Variants in SLC41A3 observed in about 807,000 individuals in gnomAD.
The protein encoded by SLC41A3 is solute carrier family 41 member 3.
SLC41A3 carries 44 observed loss-of-function variants against 45.4 expected under a neutral mutation model. The ratio of observed to expected loss-of-function variants is 0.97; its 90% CI spans 0.76 to 1.25. The LOEUF (loss-of-function observed/expected upper bound fraction) is 1.25, where lower values mean the gene tolerates loss of function less well. SLC41A3 is among the 50% of genes most tolerant of loss of function. The pLI is 0.00. For synonymous variants in SLC41A3, 256 were observed against 252.4 expected (o/e 1.01, Z -0.13); for missense variants, 550 against 600.6 (o/e 0.92, Z 0.88).
At position 126,026,573 on chromosome 3, in the gene SLC41A3, G is replaced by A. The variant is rs1941372887; in HGVS notation, c.454-94C>T. 1.4e-6 allele frequency: 2 copies of A among 1,474,084 alleles called. No homozygotes were observed. The highest frequency in any genetic ancestry group is 2.1e-5 in the Admixed American group (1 of 47,108). The allele number at this position is 1,474,084 out of a possible 1,614,324, so 91.3% of individuals were successfully genotyped here. A position where few individuals can be genotyped will look rare whatever the true frequency, so the allele number is the denominator to read the frequency against. On this transcript the variant is annotated intron_variant, in intron 4 of 10. Transcript: ENST00000360370. This position sits in a 1 kb window ranked among gnomAD's most constrained non-coding sequence, Gnocchi z 4.2. ...CCTCACTCACCGCAAGGGGCCGGGTGCCACATGCTACTGCCTCCTTTCCCT... is the reference window on the plus strand; with the variant it reads ...CCTCACTCACCGCAAGGGGCCGGGTACCACATGCTACTGCCTCCTTTCCCT...
intron 2 of SLC41A3, 41 bp downstream of exon 2, chr3:126,067,906 G>A (rs747198921): frequency 2.4e-5 from 37 of 1,531,746 alleles, no homozygotes; most frequent in Admixed American, 4.1e-5. Context: ...GGTGATGTTC[G>A]GCAGTGCCCC....
chr3:126,050,757 G>T, intron 3 of SLC41A3, 186 bp downstream of exon 3: 3 of 1,056,624 alleles, frequency 2.8e-6, no homozygotes, highest in Non-Finnish European at 3.8e-6. Flanking sequence ...CATCCAGTTT[G>T]GTAGTGGAAA....
chr3:126,021,129 C>T lies in SLC41A3; in HGVS notation c.745+1657G>A, dbSNP rs558936485. On this transcript the variant is annotated intron_variant, in intron 6 of 10. Transcript: ENST00000360370. ...CAGGATGGTCTTGATCTCCTGACCT[C>T]GTGATCCGCCCGCCTTGGCCTCCCA... 2.4e-4 allele frequency among the ~76,000 whole-genome samples: 37 copies of T among 152,060 alleles called. 1 individual carries two copies. Among genetic ancestry groups the T allele is most frequent in the Non-Finnish European group, 4.3e-4 (29 of 68,004 alleles).
chr3:126,054,039 C>T (rs568617086), intron 2 of SLC41A3, among the ~76,000 whole-genome samples: 14 of 152,292 alleles, frequency 9.2e-5, no homozygotes, highest in Non-Finnish European at 1.9e-4. Context: ...TGCCCACAGT[C>T]CCCCAGCTCT....
rs562972221 is a variant in SLC41A3, at chr3:126,073,994, C to T, written c.-27-5748G>A. Among the ~76,000 whole-genome samples the T allele has an allele frequency of 3.3e-5, 5 of 152,090 alleles. No homozygotes were observed. The South Asian group carries it at 1.0e-3, about 32-fold the overall frequency. ...ACATACAAAGACTTTTACAATATAA[C>T]CAAGTGGGATTTATTTCAGGAATGC... is the stretch of plus-strand genomic sequence containing the variant. On this transcript the variant is annotated intron_variant, in intron 1 of 10. Coordinates refer to ENST00000360370, the MANE Select transcript of SLC41A3 (RefSeq NM_017836.4).
In SLC41A3 at chr3:126,054,075, G is replaced by A. The variant is rs577773202; in HGVS notation, c.274-3025C>T. On this transcript the variant is annotated intron_variant, in intron 2 of 10. Coordinates refer to ENST00000360370, the MANE Select transcript of SLC41A3 (RefSeq NM_017836.4). ...CCCCTGCTCCTCCGGCCTCACCCTCGGGGTCATCTTTGACACCACTGTCTG... is the reference window on the plus strand; with the variant it reads ...CCCCTGCTCCTCCGGCCTCACCCTCAGGGTCATCTTTGACACCACTGTCTG... Among the ~76,000 whole-genome samples the A allele has an allele frequency of 4.9e-4, 74 of 152,128 alleles. 1 individual carries two copies. In the Middle Eastern group the frequency reaches 0.02, roughly 42 times the overall value.
chr3:126,026,558 C>T lies in SLC41A3; in HGVS notation c.454-79G>A, dbSNP rs111909947. ...TCCCTGCCCTTCACACCTCACTCAC[C>T]GCAAGGGGCCGGGTGCCACATGCTA... is the stretch of plus-strand genomic sequence containing the variant. On this transcript the variant is annotated intron_variant, in intron 4 of 10. Transcript: ENST00000360370. The surrounding 1 kb of genome is among the most constrained non-coding windows in gnomAD (Gnocchi z 4.2). 1.8e-5 allele frequency: 28 copies of T among 1,522,964 alleles called. No homozygotes were observed. Among genetic ancestry groups the T allele is most frequent in the African/African-American group, 9.6e-5 (7 of 72,892 alleles). The allele number at this position is 1,522,964 out of a possible 1,614,324, so 94.3% of individuals were successfully genotyped here. A position where few individuals can be genotyped will look rare whatever the true frequency, so the allele number is the denominator to read the frequency against.
chr3:126,099,093 A>T lies in SLC41A3; in HGVS notation c.-79+2336T>A, dbSNP rs1161348650. Reference sequence around the variant, plus strand: ...AATTTTATGTTAAGTATGTTTTCTCATAATATTTTTAAAGTCCATGCTTGG... The same window carrying T: ...AATTTTATGTTAAGTATGTTTTCTCTTAATATTTTTAAAGTCCATGCTTGG... On this transcript the variant is annotated intron_variant, in intron 1 of 9. Transcript: ENST00000508835. Among the ~76,000 whole-genome samples the T allele has an allele frequency of 3.3e-5, 5 of 151,990 alleles. No individual in the cohort carries two copies. The East Asian group carries it at 7.7e-4, about 23-fold the overall frequency.
chr3:126,012,652 T>G lies in SLC41A3; in HGVS notation c.1068A>C (p.Lys356Asn). ...AAGTAGAACACGGGTTGGGCCAGAA[T>G]TTCTTCATCTGGAGGGGCAGGACGC... ...APGVLPLQMK[K>N]FWPNPCSTFC... Residue 356 changes from lysine (K) to asparagine (N), a missense_variant, in exon 9 of 11, where the codon AAA becomes AAC. Lys to Asn is a moderately conservative substitution (Grantham distance 94, BLOSUM62 0). Transcript: ENST00000360370. 2 of 1,614,178 alleles carry G rather than the reference T, an allele frequency of 1.2e-6. No homozygotes were observed. Among genetic ancestry groups the G allele is most frequent in the Non-Finnish European group, 1.7e-6 (2 of 1,180,028 alleles).
Position 126,034,275 on chromosome 3 carries a change from C to T in SLC41A3, c.382-597G>A, listed in dbSNP as rs571923740. Among the ~76,000 whole-genome samples, 140 of 152,294 alleles carry T rather than the reference C, an allele frequency of 9.2e-4. 2 individuals are homozygous for T. The highest frequency in any genetic ancestry group is 3.1e-3 in the African/African-American group (130 of 41,562). On this transcript the variant is annotated intron_variant, in intron 3 of 10. Transcript: ENST00000360370. ...TTCTCTTAGGATAAAAAACTGAGAT[C>T]ATAAATATGACTTTATCCTTTAAAA...
intron 1 of SLC41A3, among the ~76,000 whole-genome samples, chr3:126,083,626 C>A (rs1355689094): frequency 6.6e-6 from 1 of 151,940 alleles, no homozygotes; most frequent in Non-Finnish European, 1.5e-5. Flanking sequence ...TGCGCGCGGG[C>A]GCTGCAGGAG....
At chr3:126,034,633 G>A (rs1244004744) in intron 3 of SLC41A3, among the ~76,000 whole-genome samples, 1 of 152,248 alleles carries the variant, frequency 6.6e-6, no homozygotes, top group Non-Finnish European at 1.5e-5. Flanking sequence ...AGGCAGGGTA[G>A]AGACTCAGTG....
intron 2 of SLC41A3, among the ~76,000 whole-genome samples, chr3:126,059,048 C>T (rs1943849789): frequency 6.6e-6 from 1 of 151,400 alleles, no homozygotes; most frequent in South Asian, 2.1e-4. Flanking sequence ...TGTATCTGCT[C>T]TCCCTCCCTG....
intron 6 of SLC41A3, among the ~76,000 whole-genome samples, chr3:126,019,063 T>TA (rs1040564552): frequency 1.3e-5 from 2 of 152,224 alleles, no homozygotes; most frequent in Non-Finnish European, 1.5e-5. Flanking sequence ...AATTTGTTCT[T>TA]ACGGTTATAA....
chr3:126,015,501 G>A lies in SLC41A3; in HGVS notation c.963C>T (p.Val321=). The A allele has an allele frequency of 6.2e-7, 1 of 1,614,208 alleles. No homozygotes were observed. The highest frequency in any genetic ancestry group is 8.5e-7 in the Non-Finnish European group (1 of 1,180,020). The part of the protein sequence containing the change: ...QYKGMAIFTP[V]ICGVGGNLVA... ...AACCCTTCAAATACGTACCACATAT[G>A]ACGGGGGTAAATATCGCCATGCCTT... Residue 321 remains valine (V), a synonymous_variant, in exon 8 of 11, where the codon GTC becomes GTT. Coordinates refer to ENST00000360370, the MANE Select transcript of SLC41A3 (RefSeq NM_017836.4).
chr3:126,052,657 C>T (rs1943408366), intron 2 of SLC41A3, among the ~76,000 whole-genome samples: 1 of 152,136 alleles, frequency 6.6e-6, no homozygotes, highest in Non-Finnish European at 1.5e-5. Flanking sequence ...CACTGTCCTC[C>T]CCTCCACGGA....
intron 1 of SLC41A3, among the ~76,000 whole-genome samples, chr3:126,079,236 A>ACC (rs1221430197): frequency 4.2e-5 from 6 of 143,504 alleles, no homozygotes; most frequent in Non-Finnish European, 7.6e-5. Context: ...ACACACACAC[A>ACC]CACCCACACA....
At chr3:126,020,632 G>A (rs1347432456) in intron 6 of SLC41A3, among the ~76,000 whole-genome samples, 1 of 152,160 alleles carries the variant, frequency 6.6e-6, no homozygotes, top group Non-Finnish European at 1.5e-5. Flanking sequence ...ACTGGTTCAG[G>A]CCATGACGGG....
chr3:126,059,299 A>AAAGAAAGAGAGAGAAAG (rs1943915191), intron 2 of SLC41A3, among the ~76,000 whole-genome samples: 1 of 124,124 alleles, frequency 8.1e-6, no homozygotes. Flanking sequence ...AGAAAGAAAG[A>AAAGAAAGAGAGAGAAAG]AAGAAAGAAA....
Sources: allele counts gnomAD v4.1 joint callset (sites outside exome capture counted in the v4.1 genomes callset), GRCh38; gene constraint gnomAD v4.1.1; non-coding constraint Gnocchi (gnomAD v3.1); transcripts MANE v1.5; gene names NCBI Gene and HGNC (gene_info 2026-07-23, HGNC 2026-07-21).